Variants in KIF26B observed in about 807,000 individuals in gnomAD.
The protein encoded by KIF26B is kinesin-like protein KIF26B.
Under a neutral mutation model 151.2 loss-of-function variants are expected in KIF26B, and 63 were observed. That is an observed-to-expected ratio of 0.42 (90% CI 0.34 to 0.51). The LOEUF (loss-of-function observed/expected upper bound fraction) is 0.51, where lower values mean the gene tolerates loss of function less well. KIF26B is among the 20% of genes least tolerant of loss of function. The pLI is 0.07. For missense variants in KIF26B, 2,813 were observed against 2,913.6 expected (o/e 0.97, Z 0.79); for synonymous variants, 1,357 against 1,262.1 (o/e 1.08, Z -1.59).
At chr1:245,321,958 C>G (rs1459321203) in intron 2 of KIF26B, among the ~76,000 whole-genome samples, 5 of 152,192 alleles carry the variant, frequency 3.3e-5, no homozygotes, top group Non-Finnish European at 7.3e-5. Context: ...ACGTTGAGAT[C>G]TTGGAACCAA....
chr1:245,620,889 T>G (rs2043651643), intron 9 of KIF26B, among the ~76,000 whole-genome samples: 1 of 152,222 alleles, frequency 6.6e-6, no homozygotes, highest in Admixed American at 6.5e-5. Context: ...TGCAGCTGAT[T>G]CTTTTTGGAG....
In KIF26B at chr1:245,687,904, C is replaced by T; in HGVS notation, c.4921C>T (p.Pro1641Ser). 6.3e-7 allele frequency: 1 copy of T among 1,592,038 alleles called. No homozygotes were observed. Among genetic ancestry groups the T allele is most frequent in the South Asian group, 1.1e-5 (1 of 87,304 alleles). The change falls in exon 12 of 15, where the codon CCT becomes TCT. Residue 1641 changes from proline (P) to serine (S), a missense_variant. This residue lies in a region of KIF26B where 2,060 missense variants were observed against 2,088.6 expected (regional missense o/e 0.99). Coordinates refer to ENST00000407071, the MANE Select transcript of KIF26B (RefSeq NM_018012.4). This position sits in a 1 kb window ranked among gnomAD's most constrained non-coding sequence, Gnocchi z 4.9. Reference protein sequence around the residue: ...AAFPAGLPDEPSGKTKDASSS... With the variant: ...AAFPAGLPDESSGKTKDASSS... ...CTTCCCGGCGGGCCTCCCAGACGAG[C>T]CTAGCGGCAAGACGAAGGACGCCAG...
At chr1:245,365,190 G>T (rs1211815135) in intron 2 of KIF26B, among the ~76,000 whole-genome samples, 1 of 152,116 alleles carries the variant, frequency 6.6e-6, no homozygotes, top group East Asian at 1.9e-4. Flanking sequence ...AGACTCTCTG[G>T]CCCTGTCATC....
At chr1:245,320,498 T>C (rs1481222251) in intron 2 of KIF26B, among the ~76,000 whole-genome samples, 3 of 152,162 alleles carry the variant, frequency 2.0e-5, no homozygotes, top group African/African-American at 7.2e-5. Flanking sequence ...GTTTATAGTT[T>C]ATGTTAGGGT....
intron 3 of KIF26B, among the ~76,000 whole-genome samples, chr1:245,403,727 G>T (rs1404952349): frequency 6.6e-6 from 1 of 152,158 alleles, no homozygotes; most frequent in Non-Finnish European, 1.5e-5. Context: ...TTTCACTCTT[G>T]CCAACGTTTT....
rs992666488 is a variant in KIF26B, at chr1:245,686,150, T to G, written c.3167T>G (p.Val1056Gly). 2 of 1,612,304 alleles carry G rather than the reference T, an allele frequency of 1.2e-6. No homozygotes were observed. Among genetic ancestry groups the G allele is most frequent in the African/African-American group, 2.7e-5 (2 of 74,924 alleles). ...GAGAGCCTCAACTCCTGCGGCTTCG[T>G]GGAAGGCAAGCCCAGGCCCATGGGC... ...SRESLNSCGF[V>G]EGKPRPMGSP... The change falls in exon 12 of 15, where the codon GTG becomes GGG. Residue 1056 changes from valine to glycine, a missense_variant. Transcript: ENST00000407071. The surrounding 1 kb of genome is among the most constrained non-coding windows in gnomAD (Gnocchi z 5.6).
intron 12 of KIF26B, among the ~76,000 whole-genome samples, chr1:245,696,890 AT>A (rs974059859): frequency 6.6e-6 from 1 of 152,194 alleles, no homozygotes; most frequent in African/African-American, 2.4e-5. Flanking sequence ...CAAGTGGATC[AT>A]TTGAGATCAG....
intron 2 of KIF26B, among the ~76,000 whole-genome samples, chr1:245,219,638 G>C (rs570273405): frequency 6.6e-6 from 1 of 152,096 alleles, no homozygotes; most frequent in African/African-American, 2.4e-5. Flanking sequence ...GGAGGCTGAG[G>C]CGGGAGGATC....
chr1:245,601,304 C>G lies in KIF26B; in HGVS notation c.1351-1273C>G, dbSNP rs1261977441. On this transcript the variant is annotated intron_variant, in intron 5 of 14. Transcript: ENST00000407071. The surrounding 1 kb of genome is among the most constrained non-coding windows in gnomAD (Gnocchi z 4.4). ...TGCCCTTGGGATTCTTTACCTTCAG[C>G]TTTGCTCACTGCAGATTAGTCCTCA... Among the ~76,000 whole-genome samples, 2 of 152,220 alleles carry G rather than the reference C, an allele frequency of 1.3e-5. No homozygotes were observed. Among genetic ancestry groups the G allele is most frequent in the African/African-American group, 2.4e-5 (1 of 41,458 alleles).
intron 2 of KIF26B, among the ~76,000 whole-genome samples, chr1:245,197,313 T>A (rs1424501945): frequency 6.6e-6 from 1 of 152,186 alleles, no homozygotes; most frequent in African/African-American, 2.4e-5. Context: ...AGCTTAAACC[T>A]CTTTATTATC....
At chr1:245,650,342 A>G (rs1646028544) in intron 10 of KIF26B, among the ~76,000 whole-genome samples, 1 of 152,386 alleles carries the variant, frequency 6.6e-6, no homozygotes, top group South Asian at 2.1e-4. Context: ...AAAAATAGGC[A>G]GAAGCGTTGA....
chr1:245,371,463 A>C (rs1330833930), intron 3 of KIF26B: 3 of 152,210 alleles, frequency 2.0e-5, no homozygotes, highest in Non-Finnish European at 4.4e-5. Flanking sequence ...TTCCCCGGGC[A>C]GAGAAGCATC....
intron 2 of KIF26B, among the ~76,000 whole-genome samples, chr1:245,293,667 C>A (rs1213231198): frequency 2.0e-5 from 3 of 151,862 alleles, no homozygotes; most frequent in Admixed American, 2.0e-4. Flanking sequence ...CAACTTCCAC[C>A]TCCCGGGTTC....
chr1:245,596,370 A>T (rs965843620), intron 5 of KIF26B, among the ~76,000 whole-genome samples: 1 of 152,186 alleles, frequency 6.6e-6, no homozygotes, highest in Admixed American at 6.5e-5. Flanking sequence ...CTTTGTGCTC[A>T]TTGGTTTCAA....
intron 2 of KIF26B, among the ~76,000 whole-genome samples, chr1:245,342,574 C>T (rs12092145): frequency 0.29 from 42,454 of 148,480 alleles, 10,832 homozygotes; most frequent in African/African-American, 0.68. Context: ...TTTGTTTTTT[C>T]CCTATTTTTC....
At chr1:245,256,992 T>C (rs780901460) in intron 2 of KIF26B, among the ~76,000 whole-genome samples, 57 of 152,192 alleles carry the variant, frequency 3.7e-4, no homozygotes, top group Admixed American at 7.9e-4. Flanking sequence ...CTGGCACTTT[T>C]TGAAGTCTGA....
At chr1:245,501,513 T>C (rs1176744666) in intron 4 of KIF26B, among the ~76,000 whole-genome samples, 2 of 152,232 alleles carry the variant, frequency 1.3e-5, no homozygotes, top group Non-Finnish European at 2.9e-5. Context: ...GGAATAAATA[T>C]CTTCTTTCTC....
chr1:245,260,265 G>A (rs1670609428), intron 2 of KIF26B, among the ~76,000 whole-genome samples: 1 of 152,174 alleles, frequency 6.6e-6, no homozygotes, highest in South Asian at 2.1e-4. Flanking sequence ...TAATCTGTAA[G>A]TATGCAACAT....
chr1:245,650,846 C>T (rs2044006986), intron 10 of KIF26B, among the ~76,000 whole-genome samples: 1 of 152,204 alleles, frequency 6.6e-6, no homozygotes, highest in South Asian at 2.1e-4. Context: ...TTCTCCCAGT[C>T]ATCTTGAAAA....
Sources: gnomAD v4.1 joint callset for allele counts (sites outside exome capture counted in the v4.1 genomes callset) on GRCh38, gnomAD v4.1.1 for gene constraint, gnomAD v4.1.1 regional missense constraint, Gnocchi (gnomAD v3.1) non-coding constraint, MANE v1.5 for transcripts, NCBI Gene and HGNC (gene_info 2026-07-23, HGNC 2026-07-21) for gene names.